Variants in PUDP observed in about 807,000 individuals in gnomAD.
The protein encoded by PUDP is pseudouridine-5'-phosphatase.
PUDP carries 8 observed loss-of-function variants against 9.4 expected under a neutral mutation model. The observed-to-expected ratio is 0.85, with a 90% CI of 0.50 to 1.53. PUDP has a LOEUF of 1.53. PUDP is among the 40% of genes most tolerant of loss of function. PUDP has a pLI of 0.00. For missense variants in PUDP, 188 were observed against 189.7 expected (o/e 0.99, Z 0.05); for synonymous variants, 99 against 80.7 (o/e 1.23, Z -1.22).
intron 3 of PUDP, among the ~76,000 whole-genome samples, chrX:6,932,190 G>C (rs1004260754): frequency 4.5e-5 from 5 of 111,095 alleles, no homozygotes; most frequent in Non-Finnish European, 7.5e-5. Context: ...TTAAAAAGCC[G>C]AGCGTTCCTG....
chrX:7,000,034 T>G (rs1224281740), intron 1 of PUDP, among the ~76,000 whole-genome samples: 10 of 108,833 alleles, frequency 9.2e-5, no homozygotes, highest in Non-Finnish European at 7.6e-5. Flanking sequence ...AACAACGGAT[T>G]AAACCTCTGT....
chrX:6,741,246 A>T (rs1405556366), intron 3 of PUDP, among the ~76,000 whole-genome samples: 1 of 111,417 alleles, frequency 9.0e-6, no homozygotes, highest in East Asian at 2.8e-4. Context: ...GCCAGTGGAA[A>T]ATTGACAAAT....
upstream of PUDP, among the ~76,000 whole-genome samples, chrX:6,723,509 C>A (rs1924701062): frequency 9.9e-6 from 1 of 101,315 alleles, no homozygotes; most frequent in African/African-American, 3.6e-5. Flanking sequence ...ATTATTTATG[C>A]ATTTTTGTTA....
intron 3 of PUDP, among the ~76,000 whole-genome samples, chrX:6,758,659 G>A (rs759477470): frequency 9.0e-6 from 1 of 111,108 alleles, no homozygotes; most frequent in Non-Finnish European, 1.9e-5. Flanking sequence ...AGAAAAGGGA[G>A]ACTTACAGAC....
chrX:6,954,052 A>G (rs1428015980), intron 3 of PUDP, among the ~76,000 whole-genome samples: 1 of 109,943 alleles, frequency 9.1e-6, no homozygotes, highest in African/African-American at 3.3e-5. Flanking sequence ...TGCTGCTGCC[A>G]TGTGAAGGAT....
At chrX:6,939,394 A>T (rs896907908) in intron 3 of PUDP, among the ~76,000 whole-genome samples, 2 of 106,984 alleles carry the variant, frequency 1.9e-5, no homozygotes, top group African/African-American at 6.7e-5. Context: ...TATATTATTA[A>T]TATTATTAAT....
chrX:6,852,003 G>A (rs1926833909), intron 3 of PUDP, among the ~76,000 whole-genome samples: 1 of 112,442 alleles, frequency 8.9e-6, no homozygotes, highest in Admixed American at 9.4e-5. Context: ...TAAGGCAGAT[G>A]ACAATGTCTT....
intron 1 of PUDP, among the ~76,000 whole-genome samples, chrX:6,990,011 G>A (rs895043892): frequency 3.6e-5 from 4 of 109,989 alleles, no homozygotes; most frequent in Admixed American, 1.9e-4. Context: ...CACCTCTTTG[G>A]CATTACTTCC....
intron 3 of PUDP, among the ~76,000 whole-genome samples, chrX:6,888,085 G>C (rs188528294): frequency 9.0e-6 from 1 of 111,422 alleles, no homozygotes; most frequent in Admixed American, 9.6e-5. Flanking sequence ...CGAGAACAAT[G>C]ATTCCAAAAT....
chrX:6,813,062 C>A (rs1291997584), intron 3 of PUDP, among the ~76,000 whole-genome samples: 1 of 109,427 alleles, frequency 9.1e-6, no homozygotes, highest in Non-Finnish European at 1.9e-5. Context: ...CTAACATACT[C>A]CAGCCTGGGA....
At chrX:6,839,587 T>A (rs1235395625) in intron 3 of PUDP, among the ~76,000 whole-genome samples, 1 of 112,000 alleles carries the variant, frequency 8.9e-6, no homozygotes, top group African/African-American at 3.2e-5. Context: ...AGGGTTAAAA[T>A]TATTTACCAT....
intron 3 of PUDP, among the ~76,000 whole-genome samples, chrX:6,861,258 G>A (rs967575644): frequency 2.7e-5 from 3 of 111,684 alleles, no homozygotes; most frequent in African/African-American, 9.8e-5. Context: ...AAGGCTATCC[G>A]TGGGCTCAAT....
At chrX:6,809,089 A>G (rs1468678822) in intron 3 of PUDP, among the ~76,000 whole-genome samples, 1 of 111,405 alleles carries the variant, frequency 9.0e-6, no homozygotes, top group African/African-American at 3.3e-5. Context: ...GCCAAGCCCA[A>G]TCAAATGCTG....
At chrX:6,773,761 A>G (rs1416587660) in intron 3 of PUDP, among the ~76,000 whole-genome samples, 4 of 111,191 alleles carry the variant, frequency 3.6e-5, no homozygotes, top group Non-Finnish European at 7.5e-5. Context: ...ACCCCTTTCC[A>G]TGGCAATGAC....
At chrX:6,823,460 T>C (rs1407720019) in intron 3 of PUDP, among the ~76,000 whole-genome samples, 1 of 111,904 alleles carries the variant, frequency 8.9e-6, no homozygotes, top group Admixed American at 9.5e-5. Flanking sequence ...CTCTTCTCTC[T>C]GAGAATGGTG....
intron 1 of PUDP, among the ~76,000 whole-genome samples, chrX:7,128,915 T>A (rs1602825831): frequency 9.0e-6 from 1 of 111,696 alleles, no homozygotes; most frequent in Non-Finnish European, 1.9e-5. Flanking sequence ...TCGTATTTTT[T>A]ATATGAGATT....
intron 3 of PUDP, among the ~76,000 whole-genome samples, chrX:6,894,723 T>A (rs1052543854): frequency 9.1e-6 from 1 of 110,237 alleles, no homozygotes; most frequent in African/African-American, 3.3e-5. Flanking sequence ...TGTGGGGGGG[T>A]TGGTTTTGAT....
At chrX:6,870,338 G>A (rs1238353364) in intron 3 of PUDP, among the ~76,000 whole-genome samples, 1 of 111,964 alleles carries the variant, frequency 8.9e-6, no homozygotes, top group African/African-American at 3.2e-5. Context: ...CATGTTGTGT[G>A]AGGGAACTGG....
intron 1 of PUDP, among the ~76,000 whole-genome samples, chrX:6,720,847 C>T (rs1924665682): frequency 9.0e-6 from 1 of 110,790 alleles, no homozygotes; most frequent in Non-Finnish European, 1.9e-5. Context: ...GAATTCATAT[C>T]TCTATTCTAT....
Sources: allele counts gnomAD v4.1 joint callset (sites outside exome capture counted in the v4.1 genomes callset), GRCh38; gene constraint gnomAD v4.1.1; transcripts MANE v1.5; gene names NCBI Gene and HGNC (gene_info 2026-07-23, HGNC 2026-07-21).